The following RPL22 variants were observed in gnomAD, a reference collection of about 807,000 sequenced individuals.
RPL22 encodes the protein large ribosomal subunit protein eL22.
Under a neutral mutation model 16.2 loss-of-function variants are expected in RPL22, and 4 were observed. The ratio of observed to expected loss-of-function variants is 0.25; its 90% CI spans 0.12 to 0.57. The LOEUF is 0.57. RPL22 is among the 20% of genes least tolerant of loss of function. The probability of loss-of-function intolerance (pLI) is 0.92; values close to 1 mark genes in which losing one functional copy is unlikely to be tolerated. For missense variants in RPL22, 83 were observed against 156.1 expected (o/e 0.53, Z 2.49); for synonymous variants, 43 against 54.8 (o/e 0.78, Z 0.95).
rs534796325 is a variant in RPL22 at position 6,190,750 on chromosome 1, C to T, written c.242+2180G>A. ...AGCAACTGGTAAAGTATTTTAACCTCATCCTCAAAAACCAACACATAACAG... is the reference window on the plus strand; with the variant it reads ...AGCAACTGGTAAAGTATTTTAACCTTATCCTCAAAAACCAACACATAACAG... On this transcript the variant is annotated intron_variant, in intron 3 of 3. Transcript: ENST00000234875. Among the ~76,000 whole-genome samples, 44 of 152,342 alleles carry T rather than the reference C, an allele frequency of 2.9e-4. No homozygotes were observed. The South Asian group carries it at 8.5e-3, about 29-fold the overall frequency.
rs890696461 is a variant in RPL22, at chr1:6,192,985, T to G, written c.187A>C (p.Ile63Leu). 5 of 1,614,010 alleles carry G rather than the reference T, an allele frequency of 3.1e-6. No homozygotes were observed. Among genetic ancestry groups the G allele is most frequent in the Non-Finnish European group, 4.2e-6 (5 of 1,180,014 alleles). ...AGNLGGGVVT[I>L]ERSKSKITVT... ...GTGATCTTGCTCTTGCTCCTTTCGA[T>G]GGTCACCACCCCTCCACCAAGGTTC... The change falls in exon 3 of 4, where the codon ATC becomes CTC. Residue 63 changes from isoleucine (I) to leucine (L), a missense_variant. Ile to Leu is a conservative substitution (Grantham distance 5). Transcript: ENST00000234875.
chr1:6,199,343 G>C, intron 1 of RPL22: 1 of 1,286,966 alleles, frequency 7.8e-7, no homozygotes, highest in South Asian at 2.4e-5. Flanking sequence ...CCGGGCCTCC[G>C]AGACCTCCCG....
chr1:6,187,409 C>T (rs764245391), intron 3 of RPL22, among the ~76,000 whole-genome samples: 1 of 151,834 alleles, frequency 6.6e-6, no homozygotes, highest in Non-Finnish European at 1.5e-5. Context: ...GGTCAGGAAA[C>T]GGAGACCATC....
chr1:6,186,091 T>C lies in RPL22; in HGVS notation c.*581A>G. 4.3e-6 allele frequency: 1 copy of C among 231,860 alleles called. No individual in the cohort carries two copies. The highest frequency in any genetic ancestry group is 8.5e-6 in the Non-Finnish European group (1 of 117,246). 14.4% of individuals were successfully genotyped at this position (231,860 alleles called of 1,614,324 possible). A position where few individuals can be genotyped will look rare whatever the true frequency, so the allele number is the denominator to read the frequency against. On this transcript the variant is annotated 3_prime_UTR_variant, in exon 4 of 4. Coordinates refer to ENST00000234875, the MANE Select transcript of RPL22 (RefSeq NM_000983.4). ...AGAACCTGGGACTTTTACAATCGAT[T>C]CCCCAAACCCCTTTATGGCAGCAAC... is the stretch of plus-strand genomic sequence containing the variant.
At chr1:6,199,463 C>G in intron 1 of RPL22, 99 bp downstream of exon 1, 1 of 1,507,366 alleles carries the variant, frequency 6.6e-7, no homozygotes, top group South Asian at 1.3e-5. Flanking sequence ...CAGCAGGACG[C>G]TGCAGGGCGC....
At chr1:6,187,701 A>G (rs539934503) in intron 3 of RPL22, among the ~76,000 whole-genome samples, 67 of 152,318 alleles carry the variant, frequency 4.4e-4, no homozygotes, top group African/African-American at 1.5e-3. Context: ...GCAAACACCT[A>G]TAACATGGTT....
At chr1:6,188,720 G>A (rs1284394741) in intron 3 of RPL22, among the ~76,000 whole-genome samples, 2 of 151,976 alleles carry the variant, frequency 1.3e-5, no homozygotes, top group African/African-American at 2.4e-5. Flanking sequence ...ACAGTGAAAG[G>A]GGATCCCTGC....
chr1:6,195,861 G>A (rs1001199406), intron 2 of RPL22, among the ~76,000 whole-genome samples: 1 of 151,984 alleles, frequency 6.6e-6, no homozygotes, highest in African/African-American at 2.4e-5. Context: ...TCAGGGGTTC[G>A]AGACCAGCCT....
At chr1:6,189,161 G>C (rs1051261654) in intron 3 of RPL22, among the ~76,000 whole-genome samples, 4 of 129,088 alleles carry the variant, frequency 3.1e-5, no homozygotes, top group Admixed American at 1.6e-4. Context: ...GGAGCACTGT[G>C]ACAGTGCTCC....
chr1:6,193,428 G>A (rs1271049794), intron 2 of RPL22, among the ~76,000 whole-genome samples: 1 of 151,672 alleles, frequency 6.6e-6, no homozygotes, highest in Non-Finnish European at 1.5e-5. Context: ...AGGTTCAAGT[G>A]ATTCTCCTGC....
At chr1:6,197,626 C>A in intron 2 of RPL22, 26 bp downstream of exon 2, 5 of 1,481,142 alleles carry the variant, frequency 3.4e-6, no homozygotes, top group Non-Finnish European at 2.8e-6. Flanking sequence ...CGTGACCACC[C>A]GAGTGGCAAT....
chr1:6,195,902 A>AT (rs780098978), intron 2 of RPL22, among the ~76,000 whole-genome samples: 2 of 151,810 alleles, frequency 1.3e-5, no homozygotes, highest in Non-Finnish European at 2.9e-5. Flanking sequence ...ATCTCTACTA[A>AT]TAATACAAAA....
At chr1:6,195,460 A>G (rs938457519) in intron 2 of RPL22, among the ~76,000 whole-genome samples, 1 of 151,440 alleles carries the variant, frequency 6.6e-6, no homozygotes, top group African/African-American at 2.4e-5. Flanking sequence ...AAAAAAAAAA[A>G]AAAATTTGGC....
In RPL22 at chr1:6,192,977, C is replaced by T; in HGVS notation, c.195G>A (p.Arg65=). 1 of 1,614,102 alleles carries T rather than the reference C, an allele frequency of 6.2e-7. No homozygotes were observed. The highest frequency in any genetic ancestry group is 8.5e-7 in the Non-Finnish European group (1 of 1,180,028). The change falls in exon 3 of 4, where the codon AGG becomes AGA. Residue 65 remains arginine, a synonymous_variant. Coordinates refer to ENST00000234875, the MANE Select transcript of RPL22 (RefSeq NM_000983.4). ...NLGGGVVTIE[R]SKSKITVTSE... ...ATGTCACGGTGATCTTGCTCTTGCT[C>T]CTTTCGATGGTCACCACCCCTCCAC...
chr1:6,191,052 C>T (rs1272654267), intron 3 of RPL22, among the ~76,000 whole-genome samples: 3 of 151,800 alleles, frequency 2.0e-5, no homozygotes, highest in Admixed American at 6.6e-5. Flanking sequence ...GGCGAAACCC[C>T]GTATCTACTA....
chr1:6,190,777 G>A (rs1033920320), intron 3 of RPL22, among the ~76,000 whole-genome samples: 1 of 152,222 alleles, frequency 6.6e-6, no homozygotes, highest in African/African-American at 2.4e-5. Flanking sequence ...ACATAACAGA[G>A]GAGGGAACTA....
chr1:6,199,366 G>A, intron 1 of RPL22, 196 bp downstream of exon 1: 11 of 1,316,288 alleles, frequency 8.4e-6, no homozygotes, highest in Non-Finnish European at 1.1e-5. Flanking sequence ...TCTCCCTCAC[G>A]AGCCTCGGGC....
chr1:6,187,071 G>T (rs995113601), intron 3 of RPL22, among the ~76,000 whole-genome samples: 1 of 152,182 alleles, frequency 6.6e-6, no homozygotes, highest in East Asian at 1.9e-4. Context: ...GCTTTGGGAG[G>T]CCAAGGCAGG....
At chr1:6,197,204 G>C (rs1667731780) in intron 2 of RPL22, among the ~76,000 whole-genome samples, 1 of 152,108 alleles carries the variant, frequency 6.6e-6, no homozygotes. Flanking sequence ...TAATTTTTTT[G>C]TATTTTTAGT....
Sources: allele counts gnomAD v4.1 joint callset (sites outside exome capture counted in the v4.1 genomes callset), GRCh38; gene constraint gnomAD v4.1.1; transcripts MANE v1.5; gene names NCBI Gene and HGNC (gene_info 2026-07-23, HGNC 2026-07-21).